Variants in EXOC2 observed in about 807,000 individuals in gnomAD.
EXOC2 encodes the protein SEC5-like 1.
A neutral mutation model predicts 131.8 loss-of-function variants in EXOC2; 70 were observed. The observed-to-expected ratio is 0.53, with a 90% confidence interval of 0.44 to 0.65. The LOEUF is 0.65. Among genes scored for constraint, EXOC2 ranks in the 30% least tolerant of loss-of-function variants. The probability of loss-of-function intolerance (pLI) is 0.00; values close to 1 mark genes in which losing one functional copy is unlikely to be tolerated. For missense variants in EXOC2, 923 were observed against 1,108.6 expected, an observed-to-expected ratio of 0.83 and a Z score of 2.38; for synonymous variants, 411 against 398.4, an observed-to-expected ratio of 1.03 and a Z score of -0.38.
chr6:588,017 T>A (rs893576392), intron 11 of EXOC2, among the ~76,000 whole-genome samples: 1 of 152,194 alleles, frequency 6.6e-6, no homozygotes, highest in Admixed American at 6.5e-5. Context: ...AAAATGAGAT[T>A]GGCTATGAGT....
At chr6:598,184 A>C in intron 9 of EXOC2, 61 bp from the exon 10 acceptor site, 1 of 1,406,672 alleles carries the variant, frequency 7.1e-7, no homozygotes, top group Non-Finnish European at 9.8e-7. Flanking sequence ...TCAAATTTCA[A>C]AAAGCAGAAT....
At chr6:488,859 ATTC>A in intron 27 of EXOC2, 117 bp downstream of exon 27, 2 of 1,073,478 alleles carry the variant, frequency 1.9e-6, no homozygotes, top group Non-Finnish European at 1.4e-6. Context: ...GCTTATTCTG[ATTC>A]TTATTTGGAT....
At chr6:515,292 T>C (rs1765082993) in intron 23 of EXOC2, among the ~76,000 whole-genome samples, 1 of 152,012 alleles carries the variant, frequency 6.6e-6, no homozygotes, top group African/African-American at 2.4e-5. Context: ...ACCAGGAAGG[T>C]AGGTTAGGAA....
At chr6:570,092 AC>A (rs1452553169) in intron 13 of EXOC2, among the ~76,000 whole-genome samples, 3 of 152,056 alleles carry the variant, frequency 2.0e-5, no homozygotes, top group African/African-American at 7.2e-5. Context: ...CTGGAAACAA[AC>A]ACTACGGCTT....
chr6:552,581 A>C (rs902575173), intron 21 of EXOC2, among the ~76,000 whole-genome samples: 1 of 152,074 alleles, frequency 6.6e-6, no homozygotes, highest in Non-Finnish European at 1.5e-5. Context: ...AAGGACATTC[A>C]ATCACCCACT....
At chr6:517,160 A>C (rs1203900141) in intron 23 of EXOC2, among the ~76,000 whole-genome samples, 2 of 152,174 alleles carry the variant, frequency 1.3e-5, no homozygotes, top group African/African-American at 4.8e-5. Flanking sequence ...ACAGTGTGGA[A>C]AGAAATAAAA....
At chr6:617,428 A>T (rs1033819267) in intron 6 of EXOC2, among the ~76,000 whole-genome samples, 9 of 152,236 alleles carry the variant, frequency 5.9e-5, no homozygotes, top group African/African-American at 2.2e-4. Flanking sequence ...GTGCATTGGG[A>T]TTTAATTTCG....
intron 4 of EXOC2, among the ~76,000 whole-genome samples, chr6:622,790 T>A (rs144245504): frequency 3.9e-5 from 6 of 152,356 alleles, no homozygotes; most frequent in Admixed American, 1.3e-4. Flanking sequence ...TACTGAACAA[T>A]GTAAACCAGC....
intron 9 of EXOC2, 120 bp from the exon 10 acceptor site, chr6:598,243 T>C (rs981119872): frequency 2.0e-5 from 14 of 684,538 alleles, no homozygotes; most frequent in Non-Finnish European, 3.2e-5. Flanking sequence ...GGGCCGTGTC[T>C]AGAGTGATCA....
At chr6:613,727 A>G (rs1760833810) in intron 6 of EXOC2, among the ~76,000 whole-genome samples, 2 of 152,174 alleles carry the variant, frequency 1.3e-5, no homozygotes, top group South Asian at 4.1e-4. Flanking sequence ...GTCAACTCAG[A>G]GCAAAGGCTC....
intron 1 of EXOC2, among the ~76,000 whole-genome samples, chr6:643,367 G>A (rs994928213): frequency 1.3e-5 from 2 of 152,102 alleles, no homozygotes; most frequent in South Asian, 2.1e-4. Context: ...CCGAAATTCC[G>A]AAGATTACAA....
chr6:673,837 A>G (rs1763987493), intron 1 of EXOC2, among the ~76,000 whole-genome samples: 1 of 152,256 alleles, frequency 6.6e-6, no homozygotes, highest in Non-Finnish European at 1.5e-5. Flanking sequence ...ACGCAGAGAC[A>G]TGAAGTGAGC....
chr6:560,776 C>T lies in EXOC2; in HGVS notation c.1851+2008G>A, dbSNP rs561424006. ...AGGCTGGAGTGCAATGGCGCGGTCT[C>T]GGCTCACTGCAACCTCTGCCTCCCG... On this transcript the variant is annotated intron_variant, in intron 17 of 27. Transcript: ENST00000230449. 1.6e-4 allele frequency among the ~76,000 whole-genome samples: 24 copies of T among 151,480 alleles called. No individual in the cohort carries two copies. In the South Asian group the frequency reaches 4.4e-3, roughly 28 times the overall value.
At chr6:645,156 G>A (rs1183538691) in intron 1 of EXOC2, among the ~76,000 whole-genome samples, 1 of 151,532 alleles carries the variant, frequency 6.6e-6, no homozygotes, top group Non-Finnish European at 1.5e-5. Flanking sequence ...AAACACATAT[G>A]ATTATATGAG....
intron 17 of EXOC2, among the ~76,000 whole-genome samples, chr6:559,735 G>C (rs940665137): frequency 3.9e-5 from 6 of 152,186 alleles, no homozygotes; most frequent in Non-Finnish European, 5.9e-5. Context: ...TCAGGCAAAC[G>C]AGGTCTGGAG....
intron 23 of EXOC2, among the ~76,000 whole-genome samples, chr6:517,788 C>A (rs1278135676): frequency 6.6e-6 from 1 of 152,132 alleles, no homozygotes; most frequent in African/African-American, 2.4e-5. Flanking sequence ...AAACTGATAG[C>A]TTCATTATTA....
intron 6 of EXOC2, among the ~76,000 whole-genome samples, chr6:616,861 G>A (rs1384596609): frequency 4.0e-5 from 6 of 151,732 alleles, no homozygotes; most frequent in Non-Finnish European, 7.4e-5. Flanking sequence ...TCCAGCCTCA[G>A]CCTCCCAAGG....
intron 17 of EXOC2, among the ~76,000 whole-genome samples, chr6:559,465 ACTT>A (rs1474220651): frequency 6.6e-6 from 1 of 152,196 alleles, no homozygotes; most frequent in Non-Finnish European, 1.5e-5. Flanking sequence ...GTGGTAGGAC[ACTT>A]CTTCAAGGAC....
chr6:531,093 A>T (rs1439417761), intron 23 of EXOC2, among the ~76,000 whole-genome samples: 1 of 152,202 alleles, frequency 6.6e-6, no homozygotes, highest in Non-Finnish European at 1.5e-5. Flanking sequence ...GGTTAGCCTC[A>T]GGGAGAATGA....
Sources: allele counts gnomAD v4.1 joint callset (sites outside exome capture counted in the v4.1 genomes callset), GRCh38; gene constraint gnomAD v4.1.1; transcripts MANE v1.5; gene names NCBI Gene and HGNC (gene_info 2026-07-23, HGNC 2026-07-21).